The following RPL31 variants were observed in gnomAD, a reference collection of about 807,000 sequenced individuals.
RPL31 encodes the protein ribosomal protein L31, also known as large ribosomal subunit protein eL31.
For missense variants in RPL31, 95 were observed against 164.0 expected (o/e 0.58, Z 2.30); for synonymous variants, 51 against 55.0 (o/e 0.93, Z 0.32).
intron 4 of RPL31, among the ~76,000 whole-genome samples, chr2:101,012,624 A>AC (rs1679307137): frequency 7.5e-6 from 1 of 134,114 alleles, no homozygotes; most frequent in Non-Finnish European, 1.6e-5. Flanking sequence ...CTCTGAATAT[A>AC]CAAAAAAAAA....
At chr2:101,011,095 G>T, downstream of RPL31, 2 of 1,464,676 alleles carry the variant, frequency 1.4e-6, no homozygotes, top group Non-Finnish European at 9.4e-7. Flanking sequence ...AGGAAACTAT[G>T]TAGGAGAGAG....
chr2:101,012,465 T>C (rs184944453), intron 4 of RPL31, among the ~76,000 whole-genome samples: 75 of 152,304 alleles, frequency 4.9e-4, no homozygotes, highest in South Asian at 4.1e-4. Flanking sequence ...TCCATTTATA[T>C]CAAATGTCCA....
Position 101,004,041 on chromosome 2 carries a change from A to C in RPL31, c.108-117A>C, listed in dbSNP as rs1345200132. On this transcript the variant is annotated intron_variant, in intron 2 of 4. Transcript: ENST00000264258. Reference sequence around the variant, plus strand: ...TGCTGTAAAAACTTGGTTTTGTTACATAAGACATTGCTTAAAGTCAGTTTC... The same window carrying C: ...TGCTGTAAAAACTTGGTTTTGTTACCTAAGACATTGCTTAAAGTCAGTTTC... 3 of 1,204,608 alleles carry C rather than the reference A, an allele frequency of 2.5e-6. No individual in the cohort carries two copies. The African/African-American group carries it at 4.6e-5, about 18-fold the overall frequency. 74.6% of individuals were successfully genotyped at this position (1,204,608 alleles called of 1,614,324 possible).
downstream of RPL31, chr2:101,008,384 CA>C: frequency 2.3e-6 from 2 of 867,366 alleles, no homozygotes. Flanking sequence ...TTTGAAGACA[CA>C]GAATATAAGA....
chr2:101,012,301 A>T (rs1470185283), intron 4 of RPL31, among the ~76,000 whole-genome samples: 1 of 152,348 alleles, frequency 6.6e-6, no homozygotes, highest in East Asian at 1.9e-4. Flanking sequence ...AAACACCCAA[A>T]TGTTGAATAA....
chr2:101,009,821 C>CATTT (rs144990163), downstream of RPL31, among the ~76,000 whole-genome samples: 11 of 134,192 alleles, frequency 8.2e-5, 2 homozygotes, highest in Non-Finnish European at 6.6e-5. Flanking sequence ...AAAAAAGGAG[C>CATTT]TTTTTCTTTT....
At chr2:101,019,374 T>C in exon 5 of RPL31, 1 of 194,618 alleles carries the variant, frequency 5.1e-6, no homozygotes, top group Non-Finnish European at 1.0e-5. Context: ...AAAAAGTTTT[T>C]CATTATGAAA....
chr2:101,010,020 G>T (rs1340390822), downstream of RPL31, among the ~76,000 whole-genome samples: 1 of 151,786 alleles, frequency 6.6e-6, no homozygotes, highest in Non-Finnish European at 1.5e-5. Flanking sequence ...TAGAGACGGG[G>T]TTTCACCATG....
Position 101,002,510 on chromosome 2 carries a change from C to G in RPL31, c.1-192C>G, listed in dbSNP as rs901229858. The stretch of plus-strand genomic sequence containing the variant: ...ACCAGGCTTAGGGGAGCCGGAGCGG[C>G]AGGGATTTCCGGGTCGGAGGCATCT... On this transcript the variant is annotated intron_variant, in intron 1 of 4. Transcript: ENST00000264258. 16 of 614,528 alleles carry G rather than the reference C, an allele frequency of 2.6e-5. No individual in the cohort carries two copies. In the African/African-American group the frequency reaches 2.8e-4, roughly 11 times the overall value. 38.1% of individuals were successfully genotyped at this position (614,528 alleles called of 1,614,324 possible).
chr2:101,017,827 CAG>C (rs747367362), intron 4 of RPL31: 2 of 1,549,476 alleles, frequency 1.3e-6, no homozygotes, highest in South Asian at 2.4e-5. Context: ...CTAATACTAA[CAG>C]TGAAGCAGCT....
chr2:101,018,001 C>A, intron 4 of RPL31: 1 of 1,426,366 alleles, frequency 7.0e-7, no homozygotes, highest in Non-Finnish European at 9.6e-7. Context: ...GCTCGCAATT[C>A]TACTTCAAGC....
At position 101,006,465 on chromosome 2, in the gene RPL31, C is replaced by T. The variant is rs1226903854; in HGVS notation, c.*84C>T. On this transcript the variant is annotated 3_prime_UTR_variant, in exon 5 of 5. Transcript: ENST00000264258. ...AGTTGCAACATAATGTACTTGTATA[C>T]CCTATCCTAATTATGGGATCATTTG... is the stretch of plus-strand genomic sequence containing the variant. The T allele has an allele frequency of 2.4e-6, 3 of 1,272,520 alleles. No individual in the cohort carries two copies. The highest frequency in any genetic ancestry group is 2.4e-5 in the East Asian group (1 of 40,820). 78.8% of individuals were successfully genotyped at this position (1,272,520 alleles called of 1,614,324 possible).
downstream of RPL31, chr2:101,011,193 T>C: frequency 1.4e-6 from 1 of 723,848 alleles, no homozygotes; most frequent in Non-Finnish European, 2.2e-6. Context: ...GGGTGGTAAC[T>C]GGGGGACTTC....
In RPL31 at chr2:101,007,045, A is replaced by G. The variant is rs762928914; in HGVS notation, c.*664A>G. 1.3e-5 allele frequency: 2 copies of G among 152,280 alleles called. No homozygotes were observed. Among genetic ancestry groups the G allele is most frequent in the Non-Finnish European group, 2.9e-5 (2 of 68,098 alleles). 9.4% of individuals were successfully genotyped at this position (152,280 alleles called of 1,614,324 possible). On this transcript the variant is annotated 3_prime_UTR_variant, in exon 5 of 5. Transcript: ENST00000264258. The stretch of plus-strand genomic sequence containing the variant: ...CCAGCATTTACAAGCTGTATGTTAA[A>G]TGCTGCCATAAAGAGGTCTCTGAAG...
chr2:101,009,135 T>C (rs534756419), downstream of RPL31, among the ~76,000 whole-genome samples: 1 of 152,330 alleles, frequency 6.6e-6, no homozygotes, highest in Non-Finnish European at 1.5e-5. Context: ...GGCTCATGCC[T>C]GTAATCCCAG....
chr2:101,012,141 A>G (rs1304323295), downstream of RPL31, among the ~76,000 whole-genome samples: 1 of 152,238 alleles, frequency 6.6e-6, no homozygotes, highest in African/African-American at 2.4e-5. Flanking sequence ...CAGCCACTTT[A>G]GTAAACAGTC....
downstream of RPL31, among the ~76,000 whole-genome samples, chr2:101,009,399 C>G (rs1225851406): frequency 3.8e-5 from 5 of 131,894 alleles, no homozygotes; most frequent in Admixed American, 3.2e-4. Flanking sequence ...GAGTGAGACT[C>G]TGTCTCCAAA....
chr2:101,010,045 C>G (rs1046812596), downstream of RPL31, among the ~76,000 whole-genome samples: 8 of 151,834 alleles, frequency 5.3e-5, no homozygotes, highest in African/African-American at 7.3e-5. Context: ...CCAGGATGGT[C>G]TCAATCTTCT....
At chr2:101,007,526 T>C, downstream of RPL31, 1 of 375,446 alleles carries the variant, frequency 2.7e-6, no homozygotes, top group East Asian at 5.1e-5. Context: ...TGTGTTCATC[T>C]GAGAGCAAAA....
Sources: gnomAD v4.1 joint callset for allele counts (sites outside exome capture counted in the v4.1 genomes callset) on GRCh38, gnomAD v4.1.1 for gene constraint, MANE v1.5 for transcripts, NCBI Gene and HGNC (gene_info 2026-07-23, HGNC 2026-07-21) for gene names.